Variants in GRIK4 observed in about 807,000 individuals in gnomAD.
GRIK4 encodes glutamate receptor ionotropic, kainate 4.
In GRIK4, 40 loss-of-function variants were observed where a neutral mutation model predicts 104.9. The observed-to-expected ratio is 0.38, with a 90% CI of 0.30 to 0.50. GRIK4 has a LOEUF of 0.50. Among genes scored for constraint, GRIK4 ranks in the 20% least tolerant of loss-of-function variants. GRIK4 has a pLI of 0.93. For missense variants in GRIK4, 1,047 were observed against 1,308.1 expected, an observed-to-expected ratio of 0.80 and a Z score of 3.08; for synonymous variants, 485 against 524.9, an observed-to-expected ratio of 0.92 and a Z score of 1.04.
intron 3 of GRIK4, among the ~76,000 whole-genome samples, chr11:120,796,083 C>T (rs547505095): frequency 2.7e-5 from 4 of 147,674 alleles, no homozygotes; most frequent in South Asian, 2.1e-4. Context: ...TTGCCAAGGC[C>T]GGAGTGCAGT....
intron 13 of GRIK4, chr11:120,936,373 TG>T: frequency 2.3e-6 from 1 of 442,776 alleles, no homozygotes; most frequent in Admixed American, 2.6e-5. Flanking sequence ...GGAGGCCTCT[TG>T]GGTGCATTAG....
Position 120,555,138 on chromosome 11 carries a change from G to A in GRIK4, c.-159+43251G>A, listed in dbSNP as rs964351398. ...CAGATGTCCTCCAGGCCCTGCACGCGCAGGTCACCATGTTATCTATCCATG... is the reference window on the plus strand; with the variant it reads ...CAGATGTCCTCCAGGCCCTGCACGCACAGGTCACCATGTTATCTATCCATG... On this transcript the variant is annotated intron_variant, in intron 1 of 20. Coordinates refer to ENST00000527524, the MANE Select transcript of GRIK4 (RefSeq NM_014619.5). This position sits in a 1 kb window ranked among gnomAD's most constrained non-coding sequence, Gnocchi z 5.3. Among the ~76,000 whole-genome samples, 19 of 152,350 alleles carry A rather than the reference G, an allele frequency of 1.2e-4. 1 individual carries two copies. The highest frequency in any genetic ancestry group is 4.6e-4 in the African/African-American group (19 of 41,586).
chr11:120,660,273 A>G lies in GRIK4; in HGVS notation c.-46A>G, dbSNP rs1279545499. 2.8e-6 allele frequency: 4 copies of G among 1,404,906 alleles called. No homozygotes were observed. Among genetic ancestry groups the G allele is most frequent in the Non-Finnish European group, 4.0e-6 (4 of 992,108 alleles). The allele number at this position is 1,404,906 out of a possible 1,614,324, so 87.0% of individuals were successfully genotyped here. A position where few individuals can be genotyped will look rare whatever the true frequency, so the allele number is the denominator to read the frequency against. On this transcript the variant is annotated 5_prime_UTR_variant, in exon 3 of 21. It removes an upstream start codon present in the reference 5' UTR. Coordinates refer to ENST00000527524, the MANE Select transcript of GRIK4 (RefSeq NM_014619.5). ...CCCCAACCCCCTCTCTCGCAGAGTTATGTCATGCCCAGGCCAGCAGGGGGC... is the reference window on the plus strand; with the variant it reads ...CCCCAACCCCCTCTCTCGCAGAGTTGTGTCATGCCCAGGCCAGCAGGGGGC...
intron 6 of GRIK4, among the ~76,000 whole-genome samples, chr11:120,820,822 A>G (rs1352822456): frequency 2.0e-5 from 3 of 152,224 alleles, no homozygotes; most frequent in African/African-American, 4.8e-5. Flanking sequence ...CTCCAAATAC[A>G]AAAGCCACCT....
intron 1 of GRIK4, among the ~76,000 whole-genome samples, chr11:120,573,966 G>A (rs1013888084): frequency 2.6e-5 from 4 of 152,196 alleles, no homozygotes; most frequent in Non-Finnish European, 4.4e-5. Context: ...TCCAGGCTCG[G>A]GGCTGCTACC....
chr11:120,787,980 G>A (rs1010063544), intron 3 of GRIK4, among the ~76,000 whole-genome samples: 4 of 144,426 alleles, frequency 2.8e-5, no homozygotes, highest in Admixed American at 1.4e-4. Context: ...ATTCTCCTGC[G>A]TCAGCCTCCC....
chr11:120,745,615 A>G (rs75285005), intron 3 of GRIK4, among the ~76,000 whole-genome samples: 2,203 of 152,290 alleles, frequency 0.014, 49 homozygotes, highest in East Asian at 0.085. Context: ...AAGGGTATGA[A>G]CATCTTAAAG....
At chr11:120,577,733 C>A (rs1412474713) in intron 1 of GRIK4, among the ~76,000 whole-genome samples, 2 of 152,168 alleles carry the variant, frequency 1.3e-5, no homozygotes, top group African/African-American at 2.4e-5. Context: ...CCAATTATAC[C>A]ACTGGGCAGC....
chr11:120,575,528 G>T (rs1449027780), intron 1 of GRIK4, among the ~76,000 whole-genome samples: 1 of 152,112 alleles, frequency 6.6e-6, no homozygotes, highest in Admixed American at 6.5e-5. Context: ...GGCAGGTGCT[G>T]GCCGCCGCTG....
chr11:120,516,461 G>C (rs1947725923), intron 1 of GRIK4, among the ~76,000 whole-genome samples: 1 of 152,204 alleles, frequency 6.6e-6, no homozygotes, highest in Non-Finnish European at 1.5e-5. Context: ...GCAGCAGAAG[G>C]CTGGAGTCAG....
chr11:120,778,864 G>C (rs1248973657), intron 3 of GRIK4, among the ~76,000 whole-genome samples: 1 of 152,214 alleles, frequency 6.6e-6, no homozygotes, highest in Non-Finnish European at 1.5e-5. Context: ...AGACAATAAG[G>C]AGGCCAGGTG....
chr11:120,695,327 C>G (rs1363363997), intron 3 of GRIK4, among the ~76,000 whole-genome samples: 1 of 152,236 alleles, frequency 6.6e-6, no homozygotes, highest in East Asian at 1.9e-4. Context: ...GCTCTCCCAC[C>G]CAGGCCCTGG....
At chr11:120,703,336 C>A (rs1242704488) in intron 3 of GRIK4, among the ~76,000 whole-genome samples, 1 of 152,128 alleles carries the variant, frequency 6.6e-6, no homozygotes, top group Admixed American at 6.5e-5. Context: ...CTCTGCTTCC[C>A]AAGAAGGTAG....
chr11:120,693,592 G>T (rs1950399590), intron 3 of GRIK4, among the ~76,000 whole-genome samples: 1 of 152,210 alleles, frequency 6.6e-6, no homozygotes, highest in Non-Finnish European at 1.5e-5. Flanking sequence ...CCTGGGTATA[G>T]AGAGGTAGAT....
chr11:120,551,413 G>A (rs1248510173), intron 1 of GRIK4, among the ~76,000 whole-genome samples: 1 of 152,188 alleles, frequency 6.6e-6, no homozygotes. Context: ...ATGCTGCAGA[G>A]AGAGGCCAAG....
intron 3 of GRIK4, among the ~76,000 whole-genome samples, chr11:120,736,910 T>A (rs922233175): frequency 1.3e-5 from 2 of 152,076 alleles, no homozygotes; most frequent in African/African-American, 4.8e-5. Context: ...CAGGGCATCT[T>A]GGAGAAATGG....
intron 3 of GRIK4, among the ~76,000 whole-genome samples, chr11:120,695,590 G>T (rs1007347789): frequency 6.6e-6 from 1 of 152,058 alleles, no homozygotes; most frequent in Admixed American, 6.5e-5. Context: ...CAGCCTGCGG[G>T]GTCTGGCCTA....
At chr11:120,930,451 G>C (rs1943460497) in intron 13 of GRIK4, among the ~76,000 whole-genome samples, 1 of 152,174 alleles carries the variant, frequency 6.6e-6, no homozygotes, top group Non-Finnish European at 1.5e-5. Context: ...CCATGGAGGT[G>C]GGAACTATCA....
chr11:120,607,828 A>G (rs11825478), intron 1 of GRIK4, among the ~76,000 whole-genome samples: 3,847 of 152,256 alleles, frequency 0.025, 185 homozygotes, highest in African/African-American at 0.086. Flanking sequence ...AGGAATTTAT[A>G]GAACAATCTG....
Sources: gnomAD v4.1 joint callset for allele counts (sites outside exome capture counted in the v4.1 genomes callset) on GRCh38, gnomAD v4.1.1 for gene constraint, Gnocchi (gnomAD v3.1) non-coding constraint, MANE v1.5 for transcripts, NCBI Gene and HGNC (gene_info 2026-07-23, HGNC 2026-07-21) for gene names.